Variants in CENPN observed in about 807,000 individuals in gnomAD.
CENPN encodes centromere protein N, also known as interphase centromere complex protein 32.
Under a neutral mutation model 48.6 loss-of-function variants are expected in CENPN, and 36 were observed. That is an observed-to-expected ratio of 0.74 (90% CI 0.57 to 0.98). CENPN has a LOEUF of 0.98. CENPN is among the 50% of genes least tolerant of loss of function. The pLI is 0.00. For synonymous variants in CENPN, 166 were observed against 135.2 expected, an observed-to-expected ratio of 1.23 and a Z score of -1.58; for missense variants, 439 against 399.2, an observed-to-expected ratio of 1.10 and a Z score of -0.85.
At chr16:81,024,536 G>A (rs944258898) in intron 7 of CENPN, 179 bp from the exon 8 acceptor site, 8 of 483,896 alleles carry the variant, frequency 1.7e-5, no homozygotes, top group Non-Finnish European at 3.0e-5. Context: ...CGAGTTGCAG[G>A]CTCAGCAGCC....
chr16:81,012,855 A>G (rs1039702839), intron 2 of CENPN, among the ~76,000 whole-genome samples: 1 of 152,212 alleles, frequency 6.6e-6, no homozygotes, highest in Non-Finnish European at 1.5e-5. Flanking sequence ...TTGGCCTCCC[A>G]AAGTGCTGGG....
At chr16:81,011,005 G>C (rs536638235) in intron 1 of CENPN, among the ~76,000 whole-genome samples, 1 of 152,204 alleles carries the variant, frequency 6.6e-6, no homozygotes, top group South Asian at 2.1e-4. Flanking sequence ...TCAGCACCTT[G>C]CAGAGTGAAA....
chr16:81,022,668 T>C lies in CENPN; in HGVS notation c.603T>C (p.Leu201=), dbSNP rs935950662. The change falls in exon 7 of 11, where the codon CTT becomes CTC. Residue 201 remains leucine (L), a synonymous_variant. Coordinates refer to ENST00000305850, the MANE Select transcript of CENPN (RefSeq NM_001100624.3). ...MDLRSRYLDS[L]KAIVFKQYNQ... is the part of the protein sequence containing the mutation. ...TGAGAAGTCGGTATCTGGACTCTCT[T>C]AAGGCTATTGTTTTTAAACAGTATA... The C allele has an allele frequency of 2.4e-5, 38 of 1,613,956 alleles. No individual in the cohort carries two copies. The highest frequency in any genetic ancestry group is 1.6e-4 in the Middle Eastern group (1 of 6,080).
chr16:81,026,065 A>ATGTGTGTGTGTG (rs1205146918), intron 8 of CENPN, among the ~76,000 whole-genome samples: 33 of 51,464 alleles, frequency 6.4e-4, no homozygotes, highest in East Asian at 1.6e-3. Flanking sequence ...ATATATATAT[A>ATGTGTGTGTGTG]TATATGTGTG....
At chr16:81,026,117 GTATA>G (rs1234802970) in intron 8 of CENPN, among the ~76,000 whole-genome samples, 2 of 135,420 alleles carry the variant, frequency 1.5e-5, no homozygotes, top group African/African-American at 2.7e-5. Flanking sequence ...ATATATATAT[GTATA>G]TATATGTGTG....
intron 1 of CENPN, 85 bp from the exon 2 acceptor site, chr16:81,011,845 A>ATATGTG (rs978462905): frequency 1.5e-5 from 17 of 1,120,772 alleles, no homozygotes; most frequent in African/African-American, 9.4e-5. Flanking sequence ...TCTATTTTTC[A>ATATGTG]TATGTGTATG....
chr16:81,013,468 C>T (rs564307347), intron 2 of CENPN, among the ~76,000 whole-genome samples: 53 of 152,326 alleles, frequency 3.5e-4, no homozygotes, highest in Non-Finnish European at 6.2e-4. Context: ...TGGCTCCTGC[C>T]TGGAATCCCA....
chr16:81,016,189 T>C (rs1298792289), intron 3 of CENPN, among the ~76,000 whole-genome samples: 2 of 152,102 alleles, frequency 1.3e-5, no homozygotes, highest in Non-Finnish European at 2.9e-5. Context: ...TTCTGTCATA[T>C]ACTTATTCAT....
Position 81,017,361 on chromosome 16 carries a change from GT to G in CENPN, c.258del (p.Gln87ArgfsTer2). ...QFHQHQKVWE[V>X]FQMSKGPGED... ...TCATCAGCACCAGAAAGTTTGGGAA[GT>G]TTTTCAGATGAGTAAAGGACCAGGT... On this transcript the variant is annotated frameshift_variant, in exon 4 of 11. Transcript: ENST00000305850. LOFTEE classifies it high-confidence loss of function. 6.3e-7 allele frequency: 1 copy of G among 1,595,832 alleles called. No homozygotes were observed. Among genetic ancestry groups the G allele is most frequent in the Non-Finnish European group, 8.6e-7 (1 of 1,164,070 alleles).
In CENPN at chr16:81,028,435, C is replaced by G. The variant is rs147282961; in HGVS notation, c.938-134C>G. Reference sequence around the variant, plus strand: ...ATCCTGCTCTCTCTTGCATCTTCTGCTTCTGTACTTAATAGGGAGGAGGGG... The same window carrying G: ...ATCCTGCTCTCTCTTGCATCTTCTGGTTCTGTACTTAATAGGGAGGAGGGG... On this transcript the variant is annotated intron_variant, in intron 10 of 10. Coordinates refer to ENST00000305850, the MANE Select transcript of CENPN (RefSeq NM_001100624.3). The G allele has an allele frequency of 1.2e-3, 1,798 of 1,473,398 alleles. 4 individuals are homozygous for G. The highest frequency in any genetic ancestry group is 2.2e-3 in the Admixed American group (106 of 48,668). 91.3% of individuals were successfully genotyped at this position (1,473,398 alleles called of 1,614,324 possible).
At position 81,024,749 on chromosome 16, in the gene CENPN, A is replaced by G. The variant is rs11641523; in HGVS notation, c.668A>G (p.Gln223Arg). Residue 223 changes from glutamine to arginine, a missense_variant, in exon 8 of 11, where the codon CAG becomes CGG. Coordinates refer to ENST00000305850, the MANE Select transcript of CENPN (RefSeq NM_001100624.3). ...ACTCACAACTCTACGACACCTCTAC[A>G]GGAAAGAAGCCTTGGACTAGATATA... ...FETHNSTTPL[Q>R]ERSLGLDINM... The G allele has an allele frequency of 0.022, 36,077 of 1,610,262 alleles. 490 individuals are homozygous for G. The highest frequency in any genetic ancestry group is 0.026 in the Non-Finnish European group (31,108 of 1,177,466).
At chr16:81,028,517 C>T in intron 10 of CENPN, 52 bp from the exon 11 acceptor site, 2 of 1,592,038 alleles carry the variant, frequency 1.3e-6, no homozygotes, top group East Asian at 2.2e-5. Context: ...AATCCATCCT[C>T]CTGTGATGAC....
downstream of CENPN, chr16:81,032,554 GT>G (rs35840091): frequency 0.12 from 119,556 of 1,036,640 alleles, no homozygotes; most frequent in South Asian, 0.12. Flanking sequence ...GATTTTCAGT[GT>G]TTTTTTTTTT....
Position 81,030,475 on chromosome 16 carries a change from G to A in CENPN, c.*1824G>A, listed in dbSNP as rs1970719012. ...AAAATGACTTCACTCTGGGCCGGGT[G>A]TAGTGGCTCACGCCTGTAATCCTAG... On this transcript the variant is annotated 3_prime_UTR_variant, in exon 11 of 11. Coordinates refer to ENST00000305850, the MANE Select transcript of CENPN (RefSeq NM_001100624.3). The A allele has an allele frequency of 2.3e-6, 2 of 884,070 alleles. No homozygotes were observed. The highest frequency in any genetic ancestry group is 3.6e-5 in the African/African-American group (2 of 54,996). The allele number at this position is 884,070 out of a possible 1,614,324, so 54.8% of individuals were successfully genotyped here.
At chr16:81,012,578 C>T (rs190414922) in intron 2 of CENPN, among the ~76,000 whole-genome samples, 2 of 152,174 alleles carry the variant, frequency 1.3e-5, no homozygotes, top group Non-Finnish European at 2.9e-5. Flanking sequence ...ACCCGTCTCT[C>T]CTTCACTTTT....
At chr16:81,022,142 T>A (rs1259245295) in intron 6 of CENPN, among the ~76,000 whole-genome samples, 1 of 152,242 alleles carries the variant, frequency 6.6e-6, no homozygotes, top group African/African-American at 2.4e-5. Flanking sequence ...ATAGTAATTC[T>A]GTTTCAGTCT....
chr16:81,033,093 T>TG (rs1206320864), downstream of CENPN: 3 of 155,516 alleles, frequency 1.9e-5, no homozygotes, highest in African/African-American at 7.2e-5. Flanking sequence ...ATCTGCAACT[T>TG]GCAAAACACA....
chr16:81,025,847 C>T (rs942346912), intron 8 of CENPN, among the ~76,000 whole-genome samples: 9 of 151,486 alleles, frequency 5.9e-5, no homozygotes, highest in Admixed American at 2.0e-4. Flanking sequence ...GGACTACAGG[C>T]GCCTGCCACC....
intron 2 of CENPN, 125 bp downstream of exon 2, chr16:81,012,235 T>G (rs1227400215): frequency 7.6e-6 from 5 of 661,888 alleles, no homozygotes; most frequent in Non-Finnish European, 1.2e-5. Flanking sequence ...TGATGAGGGC[T>G]ATATACAACT....
Sources: gnomAD v4.1 joint callset for allele counts (sites outside exome capture counted in the v4.1 genomes callset) on GRCh38, gnomAD v4.1.1 for gene constraint, MANE v1.5 for transcripts, NCBI Gene and HGNC (gene_info 2026-07-23, HGNC 2026-07-21) for gene names.